Variants in HMCN1 observed in about 807,000 individuals in gnomAD.
HMCN1 encodes the protein hemicentin 1, also known as hemicentin-1.
In HMCN1, 321 loss-of-function variants were observed where a neutral mutation model predicts 625.9. The observed-to-expected ratio is 0.51, with a 90% CI of 0.47 to 0.56. HMCN1 has a LOEUF of 0.56. Among genes scored for constraint, HMCN1 ranks in the 20% least tolerant of loss-of-function variants. The probability of loss-of-function intolerance (pLI) is 0.00; values close to 1 mark genes in which losing one functional copy is unlikely to be tolerated. For missense variants in HMCN1, 6,588 were observed against 6,887.3 expected (o/e 0.96, Z 1.54); for synonymous variants, 2,425 against 2,417.6 (o/e 1.00, Z -0.09).
At chr1:186,006,626 G>A (rs74134279) in intron 29 of HMCN1, among the ~76,000 whole-genome samples, 6,138 of 151,310 alleles carry the variant, frequency 0.041, 419 homozygotes, top group African/African-American at 0.14. Flanking sequence ...TAGAGAAGTT[G>A]GTATGATTAT....
intron 6 of HMCN1, among the ~76,000 whole-genome samples, chr1:185,913,936 A>T (rs541587681): frequency 6.6e-6 from 1 of 152,260 alleles, no homozygotes; most frequent in East Asian, 1.9e-4. Flanking sequence ...TGAGGTGATG[A>T]GAACTCTGTT....
At chr1:186,168,235 G>T (rs943121137) in intron 100 of HMCN1, among the ~76,000 whole-genome samples, 26 of 150,608 alleles carry the variant, frequency 1.7e-4, no homozygotes, top group African/African-American at 6.1e-4. Flanking sequence ...GGAGAAGGGA[G>T]CCCAACCAAA....
intron 89 of HMCN1, among the ~76,000 whole-genome samples, chr1:186,138,858 G>C (rs749946150): frequency 1.3e-5 from 2 of 152,166 alleles, no homozygotes; most frequent in African/African-American, 2.4e-5. Context: ...AGAGTGTTGA[G>C]AAAGAAATCA....
At chr1:185,797,683 T>TAGATTTCTTTTGTGCATTTC (rs1553241679) in intron 1 of HMCN1, among the ~76,000 whole-genome samples, 56 of 147,800 alleles carry the variant, frequency 3.8e-4, no homozygotes, top group African/African-American at 1.3e-3. Flanking sequence ...AAGACTTGTT[T>TAGATTTCTTTTGTGCATTTC]TGGCCGGGCG....
chr1:185,868,409 G>T (rs1300497544), intron 4 of HMCN1, among the ~76,000 whole-genome samples: 2 of 151,978 alleles, frequency 1.3e-5, no homozygotes, highest in Non-Finnish European at 2.9e-5. Context: ...ACATGTCATT[G>T]GAGGGACCTA....
At chr1:186,052,199 G>A (rs192856662) in intron 42 of HMCN1, among the ~76,000 whole-genome samples, 285 of 151,978 alleles carry the variant, frequency 1.9e-3, no homozygotes, top group Middle Eastern at 3.4e-3. Flanking sequence ...AGGAATAGAG[G>A]CTTTTACATG....
At chr1:185,958,117 C>T (rs1216608547) in intron 11 of HMCN1, among the ~76,000 whole-genome samples, 4 of 151,838 alleles carry the variant, frequency 2.6e-5, no homozygotes, top group East Asian at 1.9e-4. Context: ...GGGTCTTGTT[C>T]ACACCCAAAC....
intron 1 of HMCN1, among the ~76,000 whole-genome samples, chr1:185,768,061 T>A (rs1458084004): frequency 1.3e-5 from 2 of 152,140 alleles, no homozygotes; most frequent in Admixed American, 6.6e-5. Flanking sequence ...GATAATTCCT[T>A]TGAATGCAAC....
intron 11 of HMCN1, among the ~76,000 whole-genome samples, chr1:185,936,762 G>C (rs1156879210): frequency 6.6e-6 from 1 of 152,184 alleles, no homozygotes; most frequent in Admixed American, 6.5e-5. Flanking sequence ...AGAAATTTTA[G>C]AAACAGATGG....
At chr1:186,040,007 A>G (rs529027445) in intron 39 of HMCN1, 128 bp downstream of exon 39, 2 of 905,502 alleles carry the variant, frequency 2.2e-6, no homozygotes, top group African/African-American at 3.3e-5. Context: ...AAATACACAT[A>G]TGCAACCATA....
chr1:186,141,939 C>A (rs1412273199), intron 89 of HMCN1, among the ~76,000 whole-genome samples: 1 of 152,166 alleles, frequency 6.6e-6, no homozygotes, highest in Non-Finnish European at 1.5e-5. Context: ...CATAGTGTAA[C>A]AAATTGAGTT....
At chr1:186,021,215 G>A (rs1654698177) in intron 35 of HMCN1, among the ~76,000 whole-genome samples, 1 of 151,996 alleles carries the variant, frequency 6.6e-6, no homozygotes, top group African/African-American at 2.4e-5. Context: ...GTGAAGGAGA[G>A]GGATGTGGCA....
intron 4 of HMCN1, among the ~76,000 whole-genome samples, chr1:185,883,879 ATTTTTTTTTTTT>A (rs1205211897): frequency 1.8e-5 from 1 of 55,934 alleles, no homozygotes; most frequent in Non-Finnish European, 3.7e-5. Flanking sequence ...ATAGGTCATG[ATTTTTTTTTTTT>A]TTTTTTTTTT....
intron 105 of HMCN1, among the ~76,000 whole-genome samples, chr1:186,185,209 C>T (rs1360367221): frequency 2.0e-5 from 3 of 152,182 alleles, no homozygotes; most frequent in African/African-American, 7.2e-5. Context: ...ACCTTCTAGT[C>T]TCCACACCAC....
rs192627592 is a variant in HMCN1, at chr1:185,971,276, G to A, written c.2371+783G>A. Among the ~76,000 whole-genome samples the A allele has an allele frequency of 7.2e-4, 110 of 152,262 alleles. 1 individual carries two copies. Among genetic ancestry groups the A allele is most frequent in the Non-Finnish European group, 1.3e-3 (88 of 68,022 alleles). On this transcript the variant is annotated intron_variant, in intron 15 of 106. Coordinates refer to ENST00000271588, the MANE Select transcript of HMCN1 (RefSeq NM_031935.3). ...TGCTTTTACTTAAAAAAATTCAATA[G>A]CAATTACTCTTCAGTGTATGAAATA...
intron 11 of HMCN1, among the ~76,000 whole-genome samples, chr1:185,954,587 A>G (rs1649483734): frequency 6.6e-6 from 1 of 152,158 alleles, no homozygotes; most frequent in Non-Finnish European, 1.5e-5. Context: ...TTTGACCACA[A>G]ATCCTTTTAG....
intron 40 of HMCN1, among the ~76,000 whole-genome samples, chr1:186,044,868 C>A (rs754411399): frequency 6.6e-6 from 1 of 152,120 alleles, no homozygotes; most frequent in Non-Finnish European, 1.5e-5. Context: ...AGGACTGTAC[C>A]TAAACCATCT....
intron 1 of HMCN1, among the ~76,000 whole-genome samples, chr1:185,770,913 C>T (rs971600363): frequency 1.6e-4 from 24 of 152,124 alleles, no homozygotes; most frequent in Non-Finnish European, 3.2e-4. Flanking sequence ...CCCAGCTCAT[C>T]TCCAGTGCTC....
In HMCN1 at chr1:186,171,194, A is replaced by G. The variant is rs1571458748; in HGVS notation, c.15575-143A>G. The G allele has an allele frequency of 7.8e-6, 5 of 644,710 alleles. No homozygotes were observed. In the East Asian group the frequency reaches 1.4e-4, roughly 18 times the overall value. 39.9% of individuals were successfully genotyped at this position (644,710 alleles called of 1,614,324 possible). A position where few individuals can be genotyped will look rare whatever the true frequency, so the allele number is the denominator to read the frequency against. On this transcript the variant is annotated intron_variant, in intron 100 of 106. Transcript: ENST00000271588. ...CAATTAATTCTATCAAGTATTTGGC[A>G]GATCACATGAGTGCAATATATTGGA... is the stretch of plus-strand genomic sequence containing the variant.
Sources: allele counts gnomAD v4.1 joint callset (sites outside exome capture counted in the v4.1 genomes callset), GRCh38; gene constraint gnomAD v4.1.1; transcripts MANE v1.5; gene names NCBI Gene and HGNC (gene_info 2026-07-23, HGNC 2026-07-21).